The following MEGF6 variants were observed in gnomAD, a reference collection of about 807,000 sequenced individuals.
MEGF6 encodes multiple epidermal growth factor-like domains protein 6.
A neutral mutation model predicts 207.1 loss-of-function variants in MEGF6; 184 were observed. The ratio of observed to expected loss-of-function variants is 0.89; its 90% confidence interval spans 0.79 to 1.00. The LOEUF (loss-of-function observed/expected upper bound fraction) is 1.00. MEGF6 is among the 50% of genes least tolerant of loss of function. MEGF6 has a pLI of 0.00. For synonymous variants in MEGF6, 1,038 were observed against 910.0 expected (o/e 1.14, Z -2.53); for missense variants, 2,282 against 2,202.9 (o/e 1.04, Z -0.72).
chr1:3,495,909 G>C lies in MEGF6; in HGVS notation c.3852C>G (p.Ala1284=). Residue 1284 remains alanine (A), a synonymous_variant, in exon 30 of 37, where the codon GCC becomes GCG. Coordinates refer to ENST00000356575, the MANE Select transcript of MEGF6 (RefSeq NM_001409.4). ...ACTCACCTCGCTCACAGCGGACGCC[G>C]GCTCTCCCCGGGGGGCAGAGGCAGG... ...TGTCLCPPGR[A]GVRCERGCPQ... is the part of the protein sequence containing the mutation. The C allele has an allele frequency of 1.3e-6, 2 of 1,597,878 alleles. No homozygotes were observed. Among genetic ancestry groups the C allele is most frequent in the Non-Finnish European group, 1.7e-6 (2 of 1,179,012 alleles).
intron 17 of MEGF6, among the ~76,000 whole-genome samples, chr1:3,502,923 G>A (rs1640962398): frequency 6.6e-6 from 1 of 152,194 alleles, no homozygotes. Context: ...CCACTCTGAT[G>A]CCCTGCCTGC....
In MEGF6 at chr1:3,494,507, C is replaced by T; in HGVS notation, c.4001-8G>A. ...AGCGCCCAGGGGGACAGGCTGGGGA[C>T]AGGGCAGGGTGGGCAGTCCTTCGGC... On this transcript the variant is annotated splice_polypyrimidine_tract_variant and splice_region_variant and intron_variant, in intron 31 of 36. Coordinates refer to ENST00000356575, the MANE Select transcript of MEGF6 (RefSeq NM_001409.4). 1 of 1,587,562 alleles carries T rather than the reference C, an allele frequency of 6.3e-7. No individual in the cohort carries two copies. Among genetic ancestry groups the T allele is most frequent in the Non-Finnish European group, 8.5e-7 (1 of 1,170,562 alleles).
intron 17 of MEGF6, 46 bp from the exon 18 acceptor site, chr1:3,501,967 G>T: frequency 7.1e-7 from 1 of 1,400,018 alleles, no homozygotes. Context: ...ACGTGGAGTG[G>T]ACTGACCAGA....
At position 3,498,799 on chromosome 1, in the gene MEGF6, T is replaced by C. The variant is rs1640725664; in HGVS notation, c.3122A>G (p.Asn1041Ser). ...CTGGCAGAGGCAGGAATGCCGACAGTTGTCGCCGTACAGGCCGGCAGGGCA... is the reference window on the plus strand; with the variant it reads ...CTGGCAGAGGCAGGAATGCCGACAGCTGTCGCCGTACAGGCCGGCAGGGCA... The part of the protein sequence containing the change: ...QACPAGLYGD[N>S]CRHSCLCQNG... Residue 1041 changes from asparagine to serine, a missense_variant, in exon 25 of 37, where the codon AAC becomes AGC. By Grantham distance (46) the Asn-to-Ser change is conservative. Transcript: ENST00000356575. The C allele has an allele frequency of 1.9e-6, 3 of 1,555,290 alleles. No individual in the cohort carries two copies. The highest frequency in any genetic ancestry group is 2.4e-5 in the South Asian group (2 of 84,504).
chr1:3,567,630 G>A (rs908372315), intron 4 of MEGF6, among the ~76,000 whole-genome samples: 40 of 152,210 alleles, frequency 2.6e-4, no homozygotes, highest in African/African-American at 9.6e-4. Flanking sequence ...CGGCCAGCCT[G>A]GCCTAGCTCC....
intron 5 of MEGF6, among the ~76,000 whole-genome samples, chr1:3,523,277 G>A (rs182148828): frequency 1.3e-5 from 2 of 152,310 alleles, no homozygotes; most frequent in African/African-American, 4.8e-5. Context: ...CCTTGCTTGG[G>A]GCGCCTGTGC....
intron 4 of MEGF6, among the ~76,000 whole-genome samples, chr1:3,553,524 G>A (rs1486763594): frequency 2.0e-5 from 3 of 152,196 alleles, no homozygotes; most frequent in South Asian, 2.1e-4. Flanking sequence ...CAGGGGAGCT[G>A]TCCTCAGAGA....
At chr1:3,616,492 C>T (rs939550691), upstream of MEGF6, among the ~76,000 whole-genome samples, 2 of 152,268 alleles carry the variant, frequency 1.3e-5, no homozygotes, top group Admixed American at 6.5e-5. Flanking sequence ...GCCAGCACCC[C>T]CAGTGTGAGA....
the MEGF6 span, among the ~76,000 whole-genome samples, chr1:3,622,194 C>T: frequency 8.5e-5 from 13 of 152,214 alleles, no homozygotes; most frequent in African/African-American, 2.6e-4. Flanking sequence ...AATCTCATCT[C>T]GAATTGTAAT....
intron 3 of MEGF6, among the ~76,000 whole-genome samples, chr1:3,580,637 A>G (rs1164777819): frequency 6.6e-6 from 1 of 151,902 alleles, no homozygotes; most frequent in Non-Finnish European, 1.5e-5. Flanking sequence ...CCCCCTCCAC[A>G]GCAGGTGCCC....
Position 3,501,911 on chromosome 1 carries a change from CA to C in MEGF6, c.2198del (p.Val733GlyfsTer6), listed in dbSNP as rs1291172448. 4.6e-5 allele frequency: 74 copies of C among 1,601,904 alleles called. No homozygotes were observed. Among genetic ancestry groups the C allele is most frequent in the Non-Finnish European group, 6.3e-5 (74 of 1,175,242 alleles). ...TCGAGCAGTTCACGCCAAACGTCCC[CA>C]CCGGGCACTCTGCAGGAGAAAGCAC... Reference protein sequence around the residue: ...QGEDCGQECPVGTFGVNCSSS... With the variant: ...QGEDCGQECPXGTFGVNCSSS... On this transcript the variant is annotated frameshift_variant, in exon 18 of 37. Transcript: ENST00000356575. LOFTEE classifies it high-confidence loss of function.
At chr1:3,519,692 A>T (rs924515634) in intron 5 of MEGF6, among the ~76,000 whole-genome samples, 1 of 152,228 alleles carries the variant, frequency 6.6e-6, no homozygotes, top group Non-Finnish European at 1.5e-5. Flanking sequence ...CGGCGGTCAG[A>T]GGGCAGCAAG....
chr1:3,513,767 A>T (rs1306261742), intron 7 of MEGF6, among the ~76,000 whole-genome samples: 4 of 149,164 alleles, frequency 2.7e-5, no homozygotes, highest in Middle Eastern at 3.4e-3. Flanking sequence ...TTAAAAAAAA[A>T]ATTGTTTAGA....
rs1001108022 is a variant in MEGF6, at chr1:3,543,581, G to A, written c.482-19335C>T. 3.9e-5 allele frequency among the ~76,000 whole-genome samples: 6 copies of A among 152,206 alleles called. No individual in the cohort carries two copies. The South Asian group carries it at 8.3e-4, about 21-fold the overall frequency. On this transcript the variant is annotated intron_variant, in intron 4 of 36. Transcript: ENST00000356575. The stretch of plus-strand genomic sequence containing the variant: ...GGGTGAGAACCCCCGGGCGGGAGGC[G>A]GGGCGAGGCCAGGGACGGGGCAGGA...
rs142442711 is a variant in MEGF6 at position 3,553,716 on chromosome 1, G to A, written c.481+26109C>T. 7.2e-4 allele frequency among the ~76,000 whole-genome samples: 109 copies of A among 152,312 alleles called. 1 individual carries two copies. The East Asian group carries it at 0.018, about 25-fold the overall frequency. On this transcript the variant is annotated intron_variant, in intron 4 of 36. Coordinates refer to ENST00000356575, the MANE Select transcript of MEGF6 (RefSeq NM_001409.4). ...AGCACTGACGAAAACCAGCTGGCCC[G>A]GAGTCCACCACGAGTGGCTCCAGAG...
rs1443216393 is a variant in MEGF6, at chr1:3,565,493, G to T, written c.481+14332C>A. ...GATTGCAGGAGGCCCCTTCCAAGAG[G>T]GGTCCAGGGAGCAGGACCAGGAGCC... On this transcript the variant is annotated intron_variant, in intron 4 of 36. Coordinates refer to ENST00000356575, the MANE Select transcript of MEGF6 (RefSeq NM_001409.4). The surrounding 1 kb of genome is among the most constrained non-coding windows in gnomAD (Gnocchi z 4.8). Among the ~76,000 whole-genome samples the T allele has an allele frequency of 3.9e-5, 6 of 152,200 alleles. No homozygotes were observed. Among genetic ancestry groups the T allele is most frequent in the Non-Finnish European group, 7.3e-5 (5 of 68,028 alleles).
Position 3,498,664 on chromosome 1 carries a change from G to A in MEGF6, c.3223+34C>T, listed in dbSNP as rs544781141. 1.6e-5 allele frequency: 25 copies of A among 1,531,016 alleles called. No individual in the cohort carries two copies. The South Asian group carries it at 2.1e-4, about 13-fold the overall frequency. The allele number at this position is 1,531,016 out of a possible 1,614,324, so 94.8% of individuals were successfully genotyped here. A position where few individuals can be genotyped will look rare whatever the true frequency, so the allele number is the denominator to read the frequency against. ...CAGGCGGGGCTGCACCAAGCATGCT[G>A]GGGTATGTCCCTCCTCTGCCGCCCA... On this transcript the variant is annotated intron_variant, in intron 25 of 36. Transcript: ENST00000356575.
chr1:3,497,309 C>A lies in MEGF6; in HGVS notation c.3405G>T (p.Pro1135=). The change falls in exon 27 of 37, where the codon CCG becomes CCT. Residue 1135 remains proline (P), a synonymous_variant. Coordinates refer to ENST00000356575, the MANE Select transcript of MEGF6 (RefSeq NM_001409.4). ...GEACAQRCSC[P]PGAACHHVTG... ...TGACGTGGTGGCAGGCAGCGCCAGG[C>A]GGGCAGCTGCAGCGCTGGGCACAGG... The A allele has an allele frequency of 1.9e-6, 3 of 1,550,776 alleles. No individual in the cohort carries two copies. Among genetic ancestry groups the A allele is most frequent in the Non-Finnish European group, 2.6e-6 (3 of 1,152,716 alleles).
intron 4 of MEGF6, among the ~76,000 whole-genome samples, chr1:3,551,893 C>A (rs1049309430): frequency 5.9e-5 from 9 of 152,218 alleles, no homozygotes; most frequent in African/African-American, 1.9e-4. Context: ...CAAGCTTCCA[C>A]GCAGAAGCCT....
Sources: allele counts gnomAD v4.1 joint callset (sites outside exome capture counted in the v4.1 genomes callset), GRCh38; gene constraint gnomAD v4.1.1; non-coding constraint Gnocchi (gnomAD v3.1); transcripts MANE v1.5; gene names NCBI Gene and HGNC (gene_info 2026-07-23, HGNC 2026-07-21).